CLNK: variants seen among roughly 807,000 people sequenced by gnomAD.
CLNK encodes the protein cytokine-dependent hematopoietic cell linker.
In CLNK, 74 loss-of-function variants were observed where a neutral mutation model predicts 68.6. The observed-to-expected ratio is 1.08, with a 90% CI of 0.89 to 1.31. The LOEUF (loss-of-function observed/expected upper bound fraction) is 1.31, where lower values mean the gene tolerates loss of function less well. Ranked by LOEUF, CLNK falls within the 50% of genes most tolerant of loss-of-function variation. CLNK has a pLI of 0.00. For synonymous variants in CLNK, 198 were observed against 172.2 expected, an observed-to-expected ratio of 1.15 and a Z score of -1.17; for missense variants, 553 against 515.3, an observed-to-expected ratio of 1.07 and a Z score of -0.71.
intron 1 of CLNK, among the ~76,000 whole-genome samples, chr4:10,673,058 A>G (rs1051922779): frequency 1.3e-5 from 2 of 152,214 alleles, no homozygotes; most frequent in Non-Finnish European, 2.9e-5. Context: ...CAATTTGATC[A>G]TGGAAAAGTT....
At chr4:10,589,511 A>G (rs902079068) in intron 3 of CLNK, among the ~76,000 whole-genome samples, 2 of 152,182 alleles carry the variant, frequency 1.3e-5, no homozygotes, top group Non-Finnish European at 2.9e-5. Context: ...AATGCAAGCC[A>G]AGTGAATTAG....
intron 2 of CLNK, among the ~76,000 whole-genome samples, chr4:10,649,167 C>A (rs888727957): frequency 4.6e-5 from 7 of 152,110 alleles, no homozygotes; most frequent in African/African-American, 7.2e-5. Context: ...AATCCTACTT[C>A]CTTCTATTTT....
the CLNK span, among the ~76,000 whole-genome samples, chr4:10,720,715 A>C: frequency 0.022 from 2,530 of 112,614 alleles, 37 homozygotes; most frequent in East Asian, 0.085. Flanking sequence ...GCTGACAAGG[A>C]TATGTTGAAA....
intron 1 of CLNK, among the ~76,000 whole-genome samples, chr4:10,675,616 G>T (rs927818349): frequency 6.6e-6 from 1 of 151,970 alleles, no homozygotes; most frequent in African/African-American, 2.4e-5. Context: ...ATGCTTTTAG[G>T]GTAAAGAAAT....
At chr4:10,528,951 A>G (rs1490428949) in intron 12 of CLNK, among the ~76,000 whole-genome samples, 1 of 152,044 alleles carries the variant, frequency 6.6e-6, no homozygotes, top group East Asian at 1.9e-4. Context: ...ATCATCCTTC[A>G]TTATGGAAAT....
intron 2 of CLNK, among the ~76,000 whole-genome samples, chr4:10,661,826 G>A (rs1470326576): frequency 1.3e-5 from 2 of 152,132 alleles, no homozygotes; most frequent in Non-Finnish European, 2.9e-5. Flanking sequence ...AGGCTCAGAA[G>A]GTAATCAGCT....
intron 7 of CLNK, among the ~76,000 whole-genome samples, chr4:10,559,567 C>T (rs1440098570): frequency 6.6e-6 from 1 of 152,012 alleles, no homozygotes; most frequent in Non-Finnish European, 1.5e-5. Context: ...ATGCTCATGC[C>T]CCATGCTGCA....
chr4:10,663,151 C>A (rs563287667), intron 2 of CLNK, among the ~76,000 whole-genome samples: 1 of 152,162 alleles, frequency 6.6e-6, no homozygotes. Flanking sequence ...GAAACCAAAC[C>A]CCAAGATGCC....
intron 1 of CLNK, among the ~76,000 whole-genome samples, chr4:10,671,381 T>C (rs562311934): frequency 5.4e-5 from 3 of 55,330 alleles, no homozygotes; most frequent in Admixed American, 5.0e-4. Context: ...AGTGAAACTC[T>C]ATCTAAAAAA....
the CLNK span, among the ~76,000 whole-genome samples, chr4:10,706,709 C>A: frequency 1.3e-5 from 2 of 152,136 alleles, no homozygotes; most frequent in Admixed American, 6.5e-5. Context: ...TCTGTGGTCT[C>A]CTTTGTGCAG....
chr4:10,710,072 T>C, the CLNK span, among the ~76,000 whole-genome samples: 2 of 152,234 alleles, frequency 1.3e-5, no homozygotes, highest in Non-Finnish European at 2.9e-5. Context: ...GATAATCATT[T>C]GATTGCAATA....
intron 2 of CLNK, among the ~76,000 whole-genome samples, chr4:10,614,334 T>G (rs1306578704): frequency 6.6e-6 from 1 of 152,154 alleles, no homozygotes; most frequent in Non-Finnish European, 1.5e-5. Context: ...GTTAGATTTA[T>G]CCACATAGAG....
At chr4:10,706,024 G>T in the CLNK span, among the ~76,000 whole-genome samples, 1 of 152,238 alleles carries the variant, frequency 6.6e-6, no homozygotes, top group Non-Finnish European at 1.5e-5. Flanking sequence ...CAGCAGCTCT[G>T]TCTGAAGACA....
Position 10,558,401 on chromosome 4 carries a change from C to T in CLNK, c.445+6G>A, listed in dbSNP as rs770065734. On this transcript the variant is annotated splice_donor_region_variant and intron_variant, in intron 8 of 18. Coordinates refer to ENST00000226951, the MANE Select transcript of CLNK (RefSeq NM_052964.4). ...ACATTTTAAACTTCGATTAACATGA[C>T]TTTACCTTTAATGTTTTGGCTTCTG... 19 of 1,613,288 alleles carry T rather than the reference C, an allele frequency of 1.2e-5. No homozygotes were observed. Among genetic ancestry groups the T allele is most frequent in the Non-Finnish European group, 1.6e-5 (19 of 1,179,438 alleles).
At position 10,535,892 on chromosome 4, in the gene CLNK, A is replaced by G. The variant is rs1379989050; in HGVS notation, c.603-3609T>C. 2.6e-5 allele frequency among the ~76,000 whole-genome samples: 4 copies of G among 152,266 alleles called. No homozygotes were observed. The East Asian group carries it at 7.7e-4, about 29-fold the overall frequency. On this transcript the variant is annotated intron_variant, in intron 11 of 18. Coordinates refer to ENST00000226951, the MANE Select transcript of CLNK (RefSeq NM_052964.4). ...TAAGTACATGGATATTGTAAAAATC[A>G]TAATAATGGTACATAAGTGGCTGAG...
chr4:10,533,511 A>G (rs117906214), intron 11 of CLNK, among the ~76,000 whole-genome samples: 1,690 of 152,304 alleles, frequency 0.011, 110 homozygotes, highest in Admixed American at 0.1. Flanking sequence ...CCAGAAACAC[A>G]CAGTACTCAG....
chr4:10,523,115 T>G (rs1718148142), intron 14 of CLNK, among the ~76,000 whole-genome samples: 1 of 152,046 alleles, frequency 6.6e-6, no homozygotes, highest in Admixed American at 6.5e-5. Context: ...GGGGGAGAAA[T>G]AGACACATTC....
the CLNK span, among the ~76,000 whole-genome samples, chr4:10,699,293 C>CACACACACCACATATGTGTGTGTAT: frequency 1.3e-4 from 2 of 15,682 alleles, no homozygotes; most frequent in African/African-American, 3.5e-4. Flanking sequence ...TACGTGTATA[C>CACACACACCACATATGTGTGTGTAT]ACACACACAC....
At chr4:10,529,827 C>G (rs1015247692) in intron 12 of CLNK, among the ~76,000 whole-genome samples, 1 of 152,114 alleles carries the variant, frequency 6.6e-6, no homozygotes, top group African/African-American at 2.4e-5. Context: ...TGAGACCAAC[C>G]AACTTTTGGT....
Sources: allele counts gnomAD v4.1 joint callset (sites outside exome capture counted in the v4.1 genomes callset), GRCh38; gene constraint gnomAD v4.1.1; transcripts MANE v1.5; gene names NCBI Gene and HGNC (gene_info 2026-07-23, HGNC 2026-07-21).